The following COL11A1 variants were observed in gnomAD, a reference collection of about 807,000 sequenced individuals.
COL11A1 encodes the protein collagen type XI alpha 1 chain.
A neutral mutation model predicts 265.2 loss-of-function variants in COL11A1; 74 were observed. The ratio of observed to expected loss-of-function variants is 0.28; its 90% CI spans 0.23 to 0.34. The LOEUF is 0.34. Among genes scored for constraint, COL11A1 ranks in the 10% least tolerant of loss-of-function variants. The probability of loss-of-function intolerance (pLI) is 1.00; values close to 1 mark genes in which losing one functional copy is unlikely to be tolerated. For missense variants in COL11A1, 2,165 were observed against 2,263.6 expected, an observed-to-expected ratio of 0.96 and a Z score of 0.88; for synonymous variants, 816 against 727.6, an observed-to-expected ratio of 1.12 and a Z score of -1.96.
At chr1:103,027,805 C>T (rs78831902) in intron 5 of COL11A1, among the ~76,000 whole-genome samples, 2 of 151,972 alleles carry the variant, frequency 1.3e-5, no homozygotes, top group African/African-American at 4.8e-5. Flanking sequence ...TAATTGAAAT[C>T]TGCTATTCAA....
chr1:102,914,415 C>G lies in COL11A1; in HGVS notation c.3925-10G>C. 1 of 1,599,848 alleles carries G rather than the reference C, an allele frequency of 6.3e-7. No individual in the cohort carries two copies. The highest frequency in any genetic ancestry group is 8.5e-7 in the Non-Finnish European group (1 of 1,171,884). On this transcript the variant is annotated splice_polypyrimidine_tract_variant and intron_variant, in intron 51 of 66. Coordinates refer to ENST00000370096, the MANE Select transcript of COL11A1 (RefSeq NM_001854.4). The stretch of plus-strand genomic sequence containing the variant: ...GAAAACCAACAGGACCCTAGAATGA[C>G]GTTTTGAAAGAAAAAGAAATAAATG...
chr1:102,933,664 C>T (rs1657797176), intron 46 of COL11A1, among the ~76,000 whole-genome samples: 1 of 152,192 alleles, frequency 6.6e-6, no homozygotes, highest in Non-Finnish European at 1.5e-5. Context: ...CAAGCCTGGG[C>T]AATGGCGGGC....
intron 38 of COL11A1, among the ~76,000 whole-genome samples, chr1:102,964,254 G>A (rs1373594118): frequency 6.6e-6 from 1 of 152,094 alleles, no homozygotes; most frequent in Non-Finnish European, 1.5e-5. Flanking sequence ...TGGATATTAA[G>A]TATAATAGGA....
Position 102,923,247 on chromosome 1 carries a change from T to C in COL11A1, c.3654+89A>G, listed in dbSNP as rs1023662561. On this transcript the variant is annotated intron_variant, in intron 47 of 66. Coordinates refer to ENST00000370096, the MANE Select transcript of COL11A1 (RefSeq NM_001854.4). ...TATATACACCTCAATAATATATACATAGTAATGAAAGAACACATAATACTT... is the reference window on the plus strand; with the variant it reads ...TATATACACCTCAATAATATATACACAGTAATGAAAGAACACATAATACTT... 1.3e-5 allele frequency: 13 copies of C among 1,036,482 alleles called. No homozygotes were observed. In the East Asian group the frequency reaches 2.6e-4, roughly 21 times the overall value. 64.2% of individuals were successfully genotyped at this position (1,036,482 alleles called of 1,614,324 possible). A position where few individuals can be genotyped will look rare whatever the true frequency, so the allele number is the denominator to read the frequency against.
In COL11A1 at chr1:102,927,836, G is replaced by T. The variant is rs958816181; in HGVS notation, c.3601-4447C>A. Among the ~76,000 whole-genome samples, 3 of 151,986 alleles carry T rather than the reference G, an allele frequency of 2.0e-5. No homozygotes were observed. In the East Asian group the frequency reaches 5.8e-4, roughly 29 times the overall value. On this transcript the variant is annotated intron_variant, in intron 46 of 66. Transcript: ENST00000370096. ...TGATAATAATCGATCTTAAATGATC[G>T]ACTTAATTTATTTTACCTATTATTG...
chr1:103,005,426 G>T (rs1305000883), intron 18 of COL11A1, among the ~76,000 whole-genome samples: 1 of 152,038 alleles, frequency 6.6e-6, no homozygotes, highest in Non-Finnish European at 1.5e-5. Flanking sequence ...ATAGTGCCTA[G>T]TATATTACTG....
chr1:102,954,801 G>A lies in COL11A1; in HGVS notation c.3168+7065C>T, dbSNP rs188463009. Among the ~76,000 whole-genome samples, 779 of 151,270 alleles carry A rather than the reference G, an allele frequency of 5.1e-3. 7 individuals are homozygous for A. The highest frequency in any genetic ancestry group is 6.9e-3 in the Non-Finnish European group (470 of 67,920). ...GGAGGTTGCAGTGAGGCGAGATTGCGTCACTGCATTCCAGACTGGGCGACA... is the reference window on the plus strand; with the variant it reads ...GGAGGTTGCAGTGAGGCGAGATTGCATCACTGCATTCCAGACTGGGCGACA... On this transcript the variant is annotated intron_variant, in intron 41 of 66. Transcript: ENST00000370096.
At chr1:103,055,105 A>G (rs1364511717) in intron 4 of COL11A1, among the ~76,000 whole-genome samples, 2 of 152,110 alleles carry the variant, frequency 1.3e-5, no homozygotes, top group Non-Finnish European at 2.9e-5. Context: ...AATTTCCAAA[A>G]CCAAAATTCA....
intron 3 of COL11A1, among the ~76,000 whole-genome samples, chr1:103,078,169 G>A (rs1461475392): frequency 6.6e-6 from 1 of 151,986 alleles, no homozygotes; most frequent in Non-Finnish European, 1.5e-5. Context: ...GCCTCCCTCT[G>A]CTTCTCCATC....
chr1:102,896,894 C>T (rs906052907), intron 57 of COL11A1, among the ~76,000 whole-genome samples: 5 of 152,040 alleles, frequency 3.3e-5, no homozygotes, highest in African/African-American at 4.8e-5. Context: ...CAGGCTCTGA[C>T]TCTGGGCAGT....
At chr1:102,970,749 C>G (rs538319435) in intron 36 of COL11A1, among the ~76,000 whole-genome samples, 2 of 152,218 alleles carry the variant, frequency 1.3e-5, no homozygotes, top group Admixed American at 1.3e-4. Flanking sequence ...GGCAGGGTGG[C>G]TGACACCTGT....
rs543450048 is a variant in COL11A1 at position 102,986,232 on chromosome 1, C to G, written c.2502+1401G>C. On this transcript the variant is annotated intron_variant, in intron 30 of 66. Coordinates refer to ENST00000370096, the MANE Select transcript of COL11A1 (RefSeq NM_001854.4). ...ATATACACCATGGAATACTATGCAG[C>G]CATAAAAATGATGAGTTCATGTCCT... is the stretch of plus-strand genomic sequence containing the variant. Among the ~76,000 whole-genome samples the G allele has an allele frequency of 2.6e-5, 4 of 151,902 alleles. No homozygotes were observed. The South Asian group carries it at 8.3e-4, about 32-fold the overall frequency.
At chr1:102,908,107 G>T (rs1294482855) in intron 54 of COL11A1, among the ~76,000 whole-genome samples, 3 of 152,062 alleles carry the variant, frequency 2.0e-5, no homozygotes, top group African/African-American at 7.2e-5. Flanking sequence ...ATTGGTGTAT[G>T]TGATATAGTA....
At chr1:102,978,950 C>T (rs760412617) in intron 33 of COL11A1, 37 bp from the exon 34 acceptor site, 2 of 1,612,860 alleles carry the variant, frequency 1.2e-6, no homozygotes, top group South Asian at 1.1e-5. Context: ...CAAACTAATG[C>T]CAGACAAATC....
In COL11A1 at chr1:102,878,898, A is replaced by G. The variant is rs140286524; in HGVS notation, c.5275-733T>C. On this transcript the variant is annotated intron_variant, in intron 66 of 66. Transcript: ENST00000370096. ...AGAAAAAGTTAAATACAGGTTCACA[A>G]CTATAACACACAAGGTCAAATGTCA... is the stretch of plus-strand genomic sequence containing the variant. Among the ~76,000 whole-genome samples, 570 of 152,266 alleles carry G rather than the reference A, an allele frequency of 3.7e-3. 3 individuals carry two copies. Among genetic ancestry groups the G allele is most frequent in the Middle Eastern group, 0.034 (10 of 294 alleles).
chr1:103,051,599 G>C (rs1373954971), intron 4 of COL11A1, among the ~76,000 whole-genome samples: 1 of 152,104 alleles, frequency 6.6e-6, no homozygotes, highest in Non-Finnish European at 1.5e-5. Context: ...ATGGTGCACT[G>C]CACCCACTGT....
intron 28 of COL11A1, 129 bp downstream of exon 28, chr1:102,995,735 A>G (rs534919235): frequency 1.3e-6 from 1 of 783,544 alleles, no homozygotes; most frequent in East Asian, 2.7e-5. Context: ...TAAAGAATAC[A>G]AAATTATACT....
chr1:102,979,361 A>G, intron 32 of COL11A1, 21 bp downstream of exon 32: 3 of 1,586,450 alleles, frequency 1.9e-6, no homozygotes, highest in Non-Finnish European at 2.6e-6. Context: ...ACATAGTTCA[A>G]AACATATTTA....
At position 103,060,596 on chromosome 1, in the gene COL11A1, ATACT is replaced by A. The variant is rs1379069997; in HGVS notation, c.651+14018_651+14021del. ...AGAGGAATTTGAAATATTTTATAAG[ATACT>A]TGCTTGCATTACTCATAAATCAGTA... On this transcript the variant is annotated intron_variant, in intron 4 of 66. Coordinates refer to ENST00000370096, the MANE Select transcript of COL11A1 (RefSeq NM_001854.4). Among the ~76,000 whole-genome samples, 5 of 152,300 alleles carry A rather than the reference ATACT, an allele frequency of 3.3e-5. No homozygotes were observed. In the East Asian group the frequency reaches 9.6e-4, roughly 29 times the overall value.
Sources: allele counts gnomAD v4.1 joint callset (sites outside exome capture counted in the v4.1 genomes callset), GRCh38; gene constraint gnomAD v4.1.1; transcripts MANE v1.5; gene names NCBI Gene and HGNC (gene_info 2026-07-23, HGNC 2026-07-21).